Variants in PPIG observed in about 807,000 individuals in gnomAD.
The protein encoded by PPIG is peptidylprolyl isomerase G, also known as peptidyl-prolyl cis-trans isomerase G.
Under a neutral mutation model 87.9 loss-of-function variants are expected in PPIG, and 26 were observed. That is an observed-to-expected ratio of 0.30 (90% CI 0.22 to 0.41). PPIG has a LOEUF of 0.41. PPIG is among the 10% of genes least tolerant of loss of function. The pLI is 1.00. For missense variants in PPIG, 722 were observed against 879.4 expected (o/e 0.82, Z 2.26); for synonymous variants, 308 against 276.5 (o/e 1.11, Z -1.13).
At chr2:169,626,469 C>G (rs911892417) in intron 9 of PPIG, among the ~76,000 whole-genome samples, 1 of 152,104 alleles carries the variant, frequency 6.6e-6, no homozygotes, top group Non-Finnish European at 1.5e-5. Context: ...TCTCAGCTCA[C>G]TGCAACCTCC....
In PPIG at chr2:169,639,470, G is replaced by C. The variant is rs1464529419; in HGVS notation, c.*1947G>C. 1 of 151,878 alleles carries C rather than the reference G, an allele frequency of 6.6e-6. No individual in the cohort carries two copies. The highest frequency in any genetic ancestry group is 2.4e-5 in the African/African-American group (1 of 41,366). 9.4% of individuals were successfully genotyped at this position (151,878 alleles called of 1,614,324 possible). The stretch of plus-strand genomic sequence containing the variant: ...AATTCTTACATGTTGTCTGATCCCA[G>C]AGCTTTATCTACTAAAAATTATACA... On this transcript the variant is annotated 3_prime_UTR_variant, in exon 14 of 14. Transcript: ENST00000260970.
chr2:169,622,159 G>T (rs971773447), intron 9 of PPIG, among the ~76,000 whole-genome samples: 3 of 151,990 alleles, frequency 2.0e-5, no homozygotes, highest in East Asian at 1.9e-4. Context: ...TCTGGCTTAC[G>T]CCTGTAATCC....
Position 169,628,261 on chromosome 2 carries a change from C to T in PPIG, c.548-2513C>T, listed in dbSNP as rs1389448555. On this transcript the variant is annotated intron_variant, in intron 9 of 13. Coordinates refer to ENST00000260970, the MANE Select transcript of PPIG (RefSeq NM_004792.3). ...GCTTGCGTATATCCCAAACATCTCA[C>T]ACTTGATAATGTACCTGTTCCTTAG... 2.6e-5 allele frequency among the ~76,000 whole-genome samples: 4 copies of T among 152,194 alleles called. No homozygotes were observed. In the South Asian group the frequency reaches 6.2e-4, roughly 24 times the overall value.
At position 169,637,101 on chromosome 2, in the gene PPIG, A is replaced by G. The variant is rs1662026617; in HGVS notation, c.1843A>G (p.Arg615Gly). 1 of 1,612,974 alleles carries G rather than the reference A, an allele frequency of 6.2e-7. No individual in the cohort carries two copies. The highest frequency in any genetic ancestry group is 2.2e-5 in the East Asian group (1 of 44,824). ...CCGAGAGAGAAGAACACCACCAGGA[A>G]GATCAAGAAGTAAAGATAGGAGGAG... Reference protein sequence around the residue: ...RSRERRTPPGRSRSKDRRRRR... With the variant: ...RSRERRTPPGGSRSKDRRRRR... The change falls in exon 14 of 14, where the codon AGA becomes GGA. Residue 615 changes from arginine (R) to glycine (G), a missense_variant. This residue lies in a region of PPIG where 476 missense variants were observed against 483.1 expected (regional missense o/e 0.99). Transcript: ENST00000260970.
chr2:169,597,355 G>A (rs952044276), intron 1 of PPIG, among the ~76,000 whole-genome samples: 1 of 152,038 alleles, frequency 6.6e-6, no homozygotes, highest in Non-Finnish European at 1.5e-5. Flanking sequence ...GTGCAGTGAT[G>A]CTACCATAGC....
At chr2:169,606,336 GTAATC>G (rs1482963834) in intron 5 of PPIG, among the ~76,000 whole-genome samples, 190 bp downstream of exon 5, 1 of 152,036 alleles carries the variant, frequency 6.6e-6, no homozygotes, top group Non-Finnish European at 1.5e-5. Flanking sequence ...GCTCACGCCT[GTAATC>G]CCAGCACTTT....
At chr2:169,584,724 C>T in intron 1 of PPIG, 1 of 315,762 alleles carries the variant, frequency 3.2e-6, no homozygotes, top group Non-Finnish European at 6.1e-6. Flanking sequence ...GCCCCGGGGC[C>T]TGGGGACGGT....
Position 169,633,256 on chromosome 2 carries a change from T to C in PPIG, c.1017+9T>C. The stretch of plus-strand genomic sequence containing the variant: ...AAGGAAGAGGACCAAGGGTAGGTGA[T>C]TCTTTCCCCAGAGATCTTCACAATA... On this transcript the variant is annotated intron_variant, in intron 12 of 13. Transcript: ENST00000260970. The C allele has an allele frequency of 3.2e-6, 5 of 1,548,964 alleles. No individual in the cohort carries two copies. The highest frequency in any genetic ancestry group is 4.5e-6 in the Non-Finnish European group (5 of 1,122,644).
chr2:169,596,797 T>C (rs1433853316), intron 1 of PPIG, among the ~76,000 whole-genome samples: 1 of 152,142 alleles, frequency 6.6e-6, no homozygotes, highest in Non-Finnish European at 1.5e-5. Flanking sequence ...CTTCCCGGGT[T>C]TAAGCGATTC....
chr2:169,635,411 GA>G (rs1686155476), intron 12 of PPIG, among the ~76,000 whole-genome samples: 2 of 152,110 alleles, frequency 1.3e-5, no homozygotes, highest in Admixed American at 6.5e-5. Flanking sequence ...TCTTAACTCA[GA>G]ACCTTCCTGT....
chr2:169,606,966 T>G (rs1685348516), intron 5 of PPIG, 138 bp from the exon 6 acceptor site: 2 of 647,936 alleles, frequency 3.1e-6, no homozygotes, highest in Non-Finnish European at 5.4e-6. Flanking sequence ...GACATTAATA[T>G]CTTTTATGAT....
At chr2:169,631,021 A>C in intron 10 of PPIG, 34 bp downstream of exon 10, 2 of 1,498,526 alleles carry the variant, frequency 1.3e-6, no homozygotes, top group Non-Finnish European at 1.8e-6. Flanking sequence ...CTAGCTTTAT[A>C]TTCTGATTTC....
At chr2:169,600,194 C>T (rs1044389835) in intron 1 of PPIG, among the ~76,000 whole-genome samples, 3 of 151,876 alleles carry the variant, frequency 2.0e-5, no homozygotes, top group Admixed American at 6.6e-5. Context: ...TCCACCTCAG[C>T]GTCTCCAGTA....
chr2:169,619,525 A>G (rs909841247), intron 9 of PPIG, among the ~76,000 whole-genome samples: 2 of 152,136 alleles, frequency 1.3e-5, no homozygotes, highest in Admixed American at 1.3e-4. Context: ...GTAGGTCTCT[A>G]AGAACTTGCT....
Position 169,584,509 on chromosome 2 carries a change from A to C in PPIG, c.-70+19A>C, listed in dbSNP as rs201042680. 2.1e-6 allele frequency: 1 copy of C among 470,238 alleles called. No homozygotes were observed. The highest frequency in any genetic ancestry group is 4.4e-6 in the Non-Finnish European group (1 of 226,786). 29.1% of individuals were successfully genotyped at this position (470,238 alleles called of 1,614,324 possible). A position where few individuals can be genotyped will look rare whatever the true frequency, so the allele number is the denominator to read the frequency against. On this transcript the variant is annotated intron_variant, in intron 1 of 13. Transcript: ENST00000260970. Reference sequence around the variant, plus strand: ...GGTGCAGGTAAGTGGTATGAGGCTCAAGTTGTTCTGGCGGCGTCATTTCAG... The same window carrying C: ...GGTGCAGGTAAGTGGTATGAGGCTCCAGTTGTTCTGGCGGCGTCATTTCAG...
At chr2:169,595,054 G>C (rs1222375713) in intron 1 of PPIG, among the ~76,000 whole-genome samples, 1 of 151,988 alleles carries the variant, frequency 6.6e-6, no homozygotes, top group African/African-American at 2.4e-5. Flanking sequence ...TCAGCCTCCT[G>C]AGTAACTGGG....
At chr2:169,609,881 A>G (rs1317665099) in intron 7 of PPIG, among the ~76,000 whole-genome samples, 2 of 152,224 alleles carry the variant, frequency 1.3e-5, no homozygotes, top group Admixed American at 6.5e-5. Flanking sequence ...ATTTCTCCGT[A>G]AATTACTTAA....
Position 169,639,526 on chromosome 2 carries a change from A to G in PPIG, c.*2003A>G, listed in dbSNP as rs1348865625. The G allele has an allele frequency of 2.6e-5, 4 of 152,112 alleles. No homozygotes were observed. The highest frequency in any genetic ancestry group is 9.6e-5 in the African/African-American group (4 of 41,454). The allele number at this position is 152,112 out of a possible 1,614,324, so 9.4% of individuals were successfully genotyped here. A position where few individuals can be genotyped will look rare whatever the true frequency, so the allele number is the denominator to read the frequency against. On this transcript the variant is annotated 3_prime_UTR_variant, in exon 14 of 14. Transcript: ENST00000260970. ...ATTTCCAAATCTTAGAGTTTCAAAA[A>G]GTAACCATAGGGAAAAAAATTGTAG...
intron 6 of PPIG, 79 bp from the exon 7 acceptor site, chr2:169,608,592 C>A: frequency 1.3e-6 from 1 of 777,218 alleles, no homozygotes; most frequent in South Asian, 1.6e-5. Context: ...AATAATACAT[C>A]AGATATGAAT....
Sources: allele counts gnomAD v4.1 joint callset (sites outside exome capture counted in the v4.1 genomes callset), GRCh38; gene constraint gnomAD v4.1.1; regional missense constraint gnomAD v4.1.1; transcripts MANE v1.5; gene names NCBI Gene and HGNC (gene_info 2026-07-23, HGNC 2026-07-21).